The following XPO6 variants were observed in gnomAD, a reference collection of about 807,000 sequenced individuals.
XPO6 encodes exportin-6.
In XPO6, 3 loss-of-function variants were observed where a neutral mutation model predicts 130.0. The ratio of observed to expected loss-of-function variants is 0.02; its 90% CI spans 0.01 to 0.06. The LOEUF is 0.06. Among genes scored for constraint, XPO6 ranks in the 10% least tolerant of loss-of-function variants. XPO6 has a pLI of 1.00. For missense variants in XPO6, 970 were observed against 1,393.0 expected (o/e 0.70, Z 4.83); for synonymous variants, 524 against 548.9 (o/e 0.95, Z 0.63).
intron 7 of XPO6, 141 bp downstream of exon 7, chr16:28,155,933 G>C: frequency 7.0e-7 from 1 of 1,426,230 alleles, no homozygotes; most frequent in Non-Finnish European, 9.2e-7. Context: ...CAGACTTACT[G>C]GCACACACCT....
intron 6 of XPO6, among the ~76,000 whole-genome samples, chr16:28,160,159 T>C (rs1164933671): frequency 7.8e-6 from 1 of 128,218 alleles, no homozygotes; most frequent in East Asian, 2.3e-4. Flanking sequence ...CACTCCAGCC[T>C]GGGCAACAGA....
chr16:28,205,719 ATGTCAGC>A (rs2141915785), intron 1 of XPO6, among the ~76,000 whole-genome samples: 1 of 152,208 alleles, frequency 6.6e-6, no homozygotes, highest in East Asian at 1.9e-4. Flanking sequence ...AGTGCACTGA[ATGTCAGC>A]TATAAAACAT....
chr16:28,128,434 C>G (rs933938870), intron 12 of XPO6, among the ~76,000 whole-genome samples: 1 of 152,214 alleles, frequency 6.6e-6, no homozygotes, highest in East Asian at 1.9e-4. Flanking sequence ...CACCTCCCCC[C>G]AGGCTCTACC....
intron 6 of XPO6, among the ~76,000 whole-genome samples, chr16:28,164,021 C>T (rs1422134581): frequency 5.9e-5 from 9 of 152,168 alleles, no homozygotes; most frequent in Admixed American, 5.9e-4. Context: ...CTCCTTCAAA[C>T]TTTTTTCTAC....
At chr16:28,172,758 T>C (rs557070308) in intron 4 of XPO6, among the ~76,000 whole-genome samples, 1 of 151,702 alleles carries the variant, frequency 6.6e-6, no homozygotes, top group East Asian at 1.9e-4. Context: ...AACAAAACCA[T>C]GCACCCCAGA....
intron 9 of XPO6, among the ~76,000 whole-genome samples, chr16:28,141,710 C>G (rs941371101): frequency 6.6e-6 from 1 of 152,204 alleles, no homozygotes; most frequent in Non-Finnish European, 1.5e-5. Context: ...CCTGTAATCC[C>G]AGCACTTTGG....
At chr16:28,130,503 T>C (rs1411429710) in intron 12 of XPO6, among the ~76,000 whole-genome samples, 2 of 152,216 alleles carry the variant, frequency 1.3e-5, no homozygotes, top group African/African-American at 2.4e-5. Flanking sequence ...CATTTGTTAA[T>C]AGCCTTTGCA....
chr16:28,198,651 A>T (rs987662373), intron 1 of XPO6, among the ~76,000 whole-genome samples: 4 of 151,938 alleles, frequency 2.6e-5, no homozygotes, highest in African/African-American at 7.2e-5. Context: ...ACAAGAAAAA[A>T]AATAATAATT....
Position 28,104,684 on chromosome 16 carries a change from G to A in XPO6, c.2808C>T (p.Ala936=), listed in dbSNP as rs766150989. 21 of 1,613,956 alleles carry A rather than the reference G, an allele frequency of 1.3e-5. No individual in the cohort carries two copies. Among genetic ancestry groups the A allele is most frequent in the South Asian group, 7.7e-5 (7 of 91,090 alleles). The change falls in exon 21 of 24, where the codon GCC becomes GCT. Residue 936 remains alanine, a synonymous_variant. Coordinates refer to ENST00000304658, the MANE Select transcript of XPO6 (RefSeq NM_015171.4). Reference sequence around the variant, plus strand: ...TCCGGAAAAGGAGCTCAAACAGCTCGGCCTTCACATCAGGGGAGGGACGCT... The same window carrying A: ...TCCGGAAAAGGAGCTCAAACAGCTCAGCCTTCACATCAGGGGAGGGACGCT... The part of the protein sequence containing the change: ...IAERPSPDVK[A]ELFELLFRTL...
At chr16:28,168,488 A>G (rs921468763) in intron 5 of XPO6, among the ~76,000 whole-genome samples, 1 of 152,138 alleles carries the variant, frequency 6.6e-6, no homozygotes, top group Admixed American at 6.5e-5. Flanking sequence ...GTCTCAAAAA[A>G]AGGAAAAAAG....
intron 21 of XPO6, 138 bp downstream of exon 21, chr16:28,104,408 A>G: frequency 8.7e-7 from 1 of 1,152,016 alleles, no homozygotes; most frequent in Non-Finnish European, 1.2e-6. Flanking sequence ...CTGAGGCTCC[A>G]AGAAATTAAT....
intron 8 of XPO6, among the ~76,000 whole-genome samples, chr16:28,150,038 T>C (rs750828949): frequency 5.3e-4 from 80 of 152,188 alleles, no homozygotes; most frequent in Non-Finnish European, 7.8e-4. Context: ...AGAGTGCACC[T>C]TGCCACCTTT....
chr16:28,180,213 A>T (rs1019354987), intron 2 of XPO6, among the ~76,000 whole-genome samples: 9 of 151,962 alleles, frequency 5.9e-5, no homozygotes, highest in African/African-American at 1.7e-4. Context: ...AAAATACAAA[A>T]AATTAGCCGG....
intron 11 of XPO6, among the ~76,000 whole-genome samples, chr16:28,133,494 T>C (rs906255851): frequency 6.6e-6 from 1 of 152,168 alleles, no homozygotes; most frequent in Non-Finnish European, 1.5e-5. Context: ...AAGCTAGCAA[T>C]TTGCCAAGAG....
At position 28,211,714 on chromosome 16, in the gene XPO6, C is replaced by T; in HGVS notation, c.-346G>A. 5.3e-6 allele frequency: 2 copies of T among 379,528 alleles called. No homozygotes were observed. The highest frequency in any genetic ancestry group is 6.7e-4 in the Middle Eastern group (1 of 1,500). 23.5% of individuals were successfully genotyped at this position (379,528 alleles called of 1,614,324 possible). A position where few individuals can be genotyped will look rare whatever the true frequency, so the allele number is the denominator to read the frequency against. ...AGGCTGCGGGCCCAGGCAGGGGCTC[C>T]CCGGCCTCCGCGGGCAGAGGTGGCG... is the stretch of plus-strand genomic sequence containing the variant. On this transcript the variant is annotated 5_prime_UTR_variant, in exon 1 of 24. Transcript: ENST00000304658.
At chr16:28,158,521 G>A (rs1228002569) in intron 6 of XPO6, among the ~76,000 whole-genome samples, 1 of 151,994 alleles carries the variant, frequency 6.6e-6, no homozygotes, top group Non-Finnish European at 1.5e-5. Flanking sequence ...ATATGTAATG[G>A]GTTCATCACA....
At chr16:28,114,487 A>G (rs1316839402) in intron 15 of XPO6, among the ~76,000 whole-genome samples, 1 of 152,188 alleles carries the variant, frequency 6.6e-6, no homozygotes, top group Non-Finnish European at 1.5e-5. Flanking sequence ...TGTTTACACT[A>G]TAGTCTATAA....
chr16:28,197,968 A>AT (rs2043894037), intron 1 of XPO6, among the ~76,000 whole-genome samples: 1 of 108,208 alleles, frequency 9.2e-6, no homozygotes, highest in Non-Finnish European at 2.1e-5. Context: ...GTTTATTAAA[A>AT]AAAAAAAAAA....
At chr16:28,136,976 G>A (rs1212865088) in intron 9 of XPO6, among the ~76,000 whole-genome samples, 1 of 152,236 alleles carries the variant, frequency 6.6e-6, no homozygotes, top group Non-Finnish European at 1.5e-5. Flanking sequence ...GACACTGGAG[G>A]GAGACTGGAA....
Sources: allele counts gnomAD v4.1 joint callset (sites outside exome capture counted in the v4.1 genomes callset), GRCh38; gene constraint gnomAD v4.1.1; transcripts MANE v1.5; gene names NCBI Gene and HGNC (gene_info 2026-07-23, HGNC 2026-07-21).